Variants in PLCZ1 observed in about 807,000 individuals in gnomAD.
PLCZ1 encodes 1-phosphatidylinositol 4,5-bisphosphate phosphodiesterase zeta-1.
A neutral mutation model predicts 76.8 loss-of-function variants in PLCZ1; 64 were observed. That is an observed-to-expected ratio of 0.83 (90% confidence interval 0.68 to 1.03). The LOEUF (loss-of-function observed/expected upper bound fraction) is 1.03. Among genes scored for constraint, PLCZ1 ranks in the 50% least tolerant of loss-of-function variants. The pLI is 0.00. For missense variants in PLCZ1, 751 were observed against 713.7 expected (o/e 1.05, Z -0.60); for synonymous variants, 248 against 230.8 (o/e 1.07, Z -0.68).
At chr12:18,676,654 G>A in the PLCZ1 span, among the ~76,000 whole-genome samples, 1 of 152,226 alleles carries the variant, frequency 6.6e-6, no homozygotes, top group Admixed American at 6.6e-5. Context: ...AGAACAATAA[G>A]CAGGACTATA....
At chr12:18,661,374 A>AG in the PLCZ1 span, among the ~76,000 whole-genome samples, 2 of 107,030 alleles carry the variant, frequency 1.9e-5, no homozygotes, top group Admixed American at 9.1e-5. Context: ...AAAATAAAAA[A>AG]AAAGAGAGAG....
At chr12:18,657,997 C>T in the PLCZ1 span, among the ~76,000 whole-genome samples, 1 of 151,838 alleles carries the variant, frequency 6.6e-6, no homozygotes, top group African/African-American at 2.4e-5. Context: ...AATAAAGAGA[C>T]ATATTATGAA....
chr12:18,673,047 G>A, the PLCZ1 span, among the ~76,000 whole-genome samples: 1 of 152,106 alleles, frequency 6.6e-6, no homozygotes, highest in Admixed American at 6.6e-5. Context: ...TGCCAAAGTG[G>A]TACATAGAAG....
intron 3 of PLCZ1, among the ~76,000 whole-genome samples, chr12:18,734,274 G>A (rs1273186598): frequency 6.6e-6 from 1 of 152,126 alleles, no homozygotes; most frequent in Non-Finnish European, 1.5e-5. Context: ...GAATAGAAAT[G>A]CAACACATTT....
At chr12:18,694,172 T>C in intron 12 of PLCZ1, 1 of 679,568 alleles carries the variant, frequency 1.5e-6, no homozygotes, top group Non-Finnish European at 2.5e-6. Flanking sequence ...CTGGGGGAGT[T>C]GCCCAGAGGA....
the PLCZ1 span, among the ~76,000 whole-genome samples, chr12:18,654,817 C>T: frequency 3.9e-5 from 6 of 152,122 alleles, no homozygotes; most frequent in East Asian, 9.7e-4. Flanking sequence ...TCGAACTCAC[C>T]GACTTCATCT....
At chr12:18,646,279 A>G in the PLCZ1 span, among the ~76,000 whole-genome samples, 1 of 152,206 alleles carries the variant, frequency 6.6e-6, no homozygotes, top group Admixed American at 6.5e-5. Flanking sequence ...ACTCCTGCAT[A>G]TGTACAAGAA....
the PLCZ1 span, among the ~76,000 whole-genome samples, chr12:18,675,829 A>G: frequency 2.0e-5 from 3 of 151,638 alleles, no homozygotes; most frequent in Admixed American, 2.0e-4. Flanking sequence ...GTACAAATGA[A>G]CAGATAGGTA....
At chr12:18,659,680 T>TTTA in the PLCZ1 span, among the ~76,000 whole-genome samples, 1 of 148,422 alleles carries the variant, frequency 6.7e-6, no homozygotes, top group Non-Finnish European at 1.5e-5. Flanking sequence ...TTTTTTTTTT[T>TTTA]ACTATTATTA....
At chr12:18,650,323 C>A in the PLCZ1 span, among the ~76,000 whole-genome samples, 3,813 of 76,886 alleles carry the variant, frequency 0.05, 94 homozygotes, top group Non-Finnish European at 0.059. Flanking sequence ...CTCTCTCTCT[C>A]TCTCTCTCTA....
chr12:18,689,511 T>C (rs1953734074), intron 12 of PLCZ1, among the ~76,000 whole-genome samples: 1 of 152,148 alleles, frequency 6.6e-6, no homozygotes, highest in South Asian at 2.1e-4. Flanking sequence ...AGATAATTCC[T>C]CTTCTTCCAA....
chr12:18,707,320 A>G (rs1956727395), intron 6 of PLCZ1, among the ~76,000 whole-genome samples: 1 of 152,214 alleles, frequency 6.6e-6, no homozygotes. Context: ...AAGAATAGGT[A>G]AAGTTTTTTC....
intron 1 of PLCZ1, 129 bp from the exon 2 acceptor site, chr12:18,737,638 C>T: frequency 1.7e-6 from 1 of 577,722 alleles, no homozygotes; most frequent in East Asian, 3.0e-5. Context: ...AACTGTTTGG[C>T]TTCTTACGTT....
intron 14 of PLCZ1, 140 bp downstream of exon 14, chr12:18,683,990 G>A (rs1952709656): frequency 9.4e-7 from 1 of 1,059,858 alleles, no homozygotes. Context: ...ATTCCACAGA[G>A]AAAAAATATG....
intron 9 of PLCZ1, among the ~76,000 whole-genome samples, chr12:18,701,227 C>T (rs1026945809): frequency 2.0e-5 from 3 of 151,932 alleles, no homozygotes; most frequent in Admixed American, 1.3e-4. Context: ...TCATGTGATC[C>T]GCCCACCTCA....
chr12:18,648,853 T>C, the PLCZ1 span, among the ~76,000 whole-genome samples: 1 of 152,166 alleles, frequency 6.6e-6, no homozygotes, highest in Non-Finnish European at 1.5e-5. Flanking sequence ...TGCCACATTC[T>C]TTAAAACAAT....
the PLCZ1 span, among the ~76,000 whole-genome samples, chr12:18,670,736 A>G: frequency 6.6e-6 from 1 of 152,094 alleles, no homozygotes; most frequent in Admixed American, 6.5e-5. Context: ...TGTTCTTTTT[A>G]CTTTATCATC....
chr12:18,721,434 T>C (rs1304349791), intron 4 of PLCZ1, among the ~76,000 whole-genome samples: 1 of 151,960 alleles, frequency 6.6e-6, no homozygotes, highest in African/African-American at 2.4e-5. Flanking sequence ...TTGAGGCAGG[T>C]GAAGGCTCAA....
chr12:18,705,127 CT>C, intron 7 of PLCZ1, 38 bp downstream of exon 7: 1 of 1,608,800 alleles, frequency 6.2e-7, no homozygotes, highest in Non-Finnish European at 8.5e-7. Context: ...TTTTCATGGA[CT>C]TTTTTCTTAA....
Sources: allele counts gnomAD v4.1 joint callset (sites outside exome capture counted in the v4.1 genomes callset), GRCh38; gene constraint gnomAD v4.1.1; transcripts MANE v1.5; gene names NCBI Gene and HGNC (gene_info 2026-07-23, HGNC 2026-07-21).